GTF2I: variants seen among roughly 807,000 people sequenced by gnomAD.
GTF2I encodes general transcription factor IIi.
Under a neutral mutation model 67.6 loss-of-function variants are expected in GTF2I, and 12 were observed. The ratio of observed to expected loss-of-function variants is 0.18; its 90% CI spans 0.11 to 0.29. The LOEUF is 0.29. Among genes scored for constraint, GTF2I ranks in the 10% least tolerant of loss-of-function variants. GTF2I has a pLI of 1.00. For synonymous variants in GTF2I, 149 were observed against 197.0 expected (o/e 0.76, Z 2.04); for missense variants, 271 against 580.1 (o/e 0.47, Z 5.47).
intron 1 of GTF2I, among the ~76,000 whole-genome samples, chr7:74,685,324 C>T (rs1023726273): frequency 2.6e-5 from 4 of 152,098 alleles, no homozygotes; most frequent in Admixed American, 6.6e-5. Flanking sequence ...GGTGAAACCC[C>T]CTCTCTACTA....
At chr7:74,720,502 TC>T (rs1792815872) in intron 12 of GTF2I, among the ~76,000 whole-genome samples, 2 of 152,172 alleles carry the variant, frequency 1.3e-5, no homozygotes, top group South Asian at 2.1e-4. Flanking sequence ...ATTTTTCTAA[TC>T]TAAAACATTT....
chr7:74,731,665 C>T (rs1214667344), intron 14 of GTF2I, among the ~76,000 whole-genome samples: 1 of 150,930 alleles, frequency 6.6e-6, no homozygotes, highest in Non-Finnish European at 1.5e-5. Context: ...CTGTCTGAGC[C>T]TCCTGAGTAG....
chr7:74,691,902 G>A lies in GTF2I; in HGVS notation c.238+791G>A, dbSNP rs368937881. On this transcript the variant is annotated intron_variant, in intron 3 of 34. Transcript: ENST00000573035. Reference sequence around the variant, plus strand: ...AGCAATTCTTCTACCTCATCCTCCCGAGTAGCTGGGATTACAGGTGCCCAC... The same window carrying A: ...AGCAATTCTTCTACCTCATCCTCCCAAGTAGCTGGGATTACAGGTGCCCAC... Among the ~76,000 whole-genome samples, 60 of 151,538 alleles carry A rather than the reference G, an allele frequency of 4.0e-4. 1 individual carries two copies. The highest frequency in any genetic ancestry group is 3.4e-3 in the Admixed American group (51 of 15,180).
At chr7:74,681,458 GA>G (rs11369420) in intron 1 of GTF2I, among the ~76,000 whole-genome samples, 3 of 150,410 alleles carry the variant, frequency 2.0e-5, no homozygotes, top group African/African-American at 2.4e-5. Flanking sequence ...AAGAAAAAAA[GA>G]AAAAAAAATG....
intron 12 of GTF2I, among the ~76,000 whole-genome samples, chr7:74,726,252 A>G (rs1160902999): frequency 1.3e-5 from 2 of 152,248 alleles, no homozygotes; most frequent in African/African-American, 4.8e-5. Context: ...TTAAGCATTT[A>G]TAATGCTTTG....
In GTF2I at chr7:74,735,958, C is replaced by T. The variant is rs1269781143; in HGVS notation, c.1435+426C>T. Among the ~76,000 whole-genome samples the T allele has an allele frequency of 1.3e-3, 28 of 21,536 alleles. 1 individual carries two copies. The highest frequency in any genetic ancestry group is 2.4e-3 in the Non-Finnish European group (23 of 9,736). 14.1% of individuals were successfully genotyped at this position (21,536 alleles called of 152,430 possible). ...TGCTGGGATTATAGGCGTGAGCCAC[C>T]GCGCCCGGCCCCCATTCTATGAATT... On this transcript the variant is annotated intron_variant, in intron 17 of 34. Transcript: ENST00000573035.
intron 9 of GTF2I, among the ~76,000 whole-genome samples, chr7:74,713,062 T>G (rs1791814615): frequency 6.6e-6 from 1 of 152,176 alleles, no homozygotes; most frequent in African/African-American, 2.4e-5. Flanking sequence ...TAAGTATGTT[T>G]TAGGGTGAAT....
intron 1 of GTF2I, among the ~76,000 whole-genome samples, chr7:74,681,484 C>T (rs1787269037): frequency 6.6e-6 from 1 of 152,028 alleles, no homozygotes; most frequent in South Asian, 2.1e-4. Flanking sequence ...AGAAGGCATA[C>T]CAGGCTCACA....
chr7:74,678,783 A>T (rs1213734108), intron 1 of GTF2I, among the ~76,000 whole-genome samples: 7 of 151,722 alleles, frequency 4.6e-5, no homozygotes, highest in Middle Eastern at 3.2e-3. Flanking sequence ...ATATATATAT[A>T]TTTTTTGAGA....
intron 1 of GTF2I, among the ~76,000 whole-genome samples, chr7:74,679,295 C>T (rs1006177944): frequency 1.3e-5 from 2 of 151,994 alleles, no homozygotes; most frequent in African/African-American, 2.4e-5. Context: ...AGGCTGGTCT[C>T]GAATTCCTGA....
At chr7:74,719,442 C>T (rs587733722) in intron 12 of GTF2I, among the ~76,000 whole-genome samples, 2 of 152,282 alleles carry the variant, frequency 1.3e-5, no homozygotes, top group African/African-American at 4.8e-5. Flanking sequence ...GCAATAGCTA[C>T]AAATATATTC....
intron 8 of GTF2I, among the ~76,000 whole-genome samples, chr7:74,709,832 C>T (rs1160795306): frequency 6.6e-6 from 1 of 151,038 alleles, no homozygotes; most frequent in Non-Finnish European, 1.5e-5. Flanking sequence ...GCCACCACTC[C>T]CGGCTAATTT....
At chr7:74,725,498 G>A (rs587655250) in intron 12 of GTF2I, among the ~76,000 whole-genome samples, 3 of 150,776 alleles carry the variant, frequency 2.0e-5, no homozygotes, top group East Asian at 3.9e-4. Flanking sequence ...ACCAACCTGG[G>A]CAACATAGGG....
intron 11 of GTF2I, 38 bp from the exon 12 acceptor site, chr7:74,718,841 A>G: frequency 9.7e-7 from 1 of 1,033,162 alleles, no homozygotes; most frequent in Non-Finnish European, 1.5e-6. Context: ...AAACATGCTT[A>G]ATAATGAATG....
chr7:74,719,086 C>G, intron 12 of GTF2I, 145 bp downstream of exon 12: 1 of 512,816 alleles, frequency 2.0e-6, no homozygotes, highest in Non-Finnish European at 3.5e-6. Flanking sequence ...CAAAGCAGCC[C>G]ACTCCCCAGT....
At chr7:74,699,185 A>G (rs1376745556) in intron 4 of GTF2I, 90 bp downstream of exon 4, 4 of 595,008 alleles carry the variant, frequency 6.7e-6, no homozygotes, top group Non-Finnish European at 1.1e-5. Context: ...CGAAAATCAT[A>G]TAACACACAT....
intron 1 of GTF2I, among the ~76,000 whole-genome samples, chr7:74,664,958 T>G (rs587667223): frequency 3.0e-4 from 46 of 152,116 alleles, no homozygotes; most frequent in Non-Finnish European, 5.6e-4. Context: ...TTTTTTTTTT[T>G]GAGACAGAGT....
Position 74,724,305 on chromosome 7 carries a change from G to GT in GTF2I, c.944-4474dup, listed in dbSNP as rs587735333. 1.0e-3 allele frequency among the ~76,000 whole-genome samples: 153 copies of GT among 152,132 alleles called. 1 individual carries two copies. Among genetic ancestry groups the GT allele is most frequent in the Non-Finnish European group, 1.9e-3 (130 of 67,992 alleles). On this transcript the variant is annotated intron_variant, in intron 12 of 34. Coordinates refer to ENST00000573035, the MANE Select transcript of GTF2I (RefSeq NM_032999.4). The stretch of plus-strand genomic sequence containing the variant: ...ATAGATATATTACCTGGTGTTGATT[G>GT]TTTTTTTAACTTTGAATAGATGTCA...
At chr7:74,711,200 T>A in intron 9 of GTF2I, 91 bp downstream of exon 9, 1 of 600,322 alleles carries the variant, frequency 1.7e-6, no homozygotes, top group South Asian at 2.2e-5. Flanking sequence ...TCTTAAATAA[T>A]ATTTTATTGA....
Sources: allele counts gnomAD v4.1 joint callset (sites outside exome capture counted in the v4.1 genomes callset), GRCh38; gene constraint gnomAD v4.1.1; transcripts MANE v1.5; gene names NCBI Gene and HGNC (gene_info 2026-07-23, HGNC 2026-07-21).